Variants in C1orf115 observed in about 807,000 individuals in gnomAD.
The protein encoded by C1orf115 is required for drug-induced death protein 1.
A neutral mutation model predicts 12.5 loss-of-function variants in C1orf115; 14 were observed. That is an observed-to-expected ratio of 1.12 (90% CI 0.74 to 1.75). The LOEUF (loss-of-function observed/expected upper bound fraction) is 1.75, where lower values mean the gene tolerates loss of function less well. C1orf115 is among the 40% of genes most tolerant of loss of function. The pLI is 0.00. For missense variants in C1orf115, 237 were observed against 220.8 expected (o/e 1.07, Z -0.46); for synonymous variants, 109 against 104.6 (o/e 1.04, Z -0.26).
intron 1 of C1orf115, among the ~76,000 whole-genome samples, chr1:220,694,323 C>G (rs1347171795): frequency 2.0e-5 from 3 of 152,174 alleles, no homozygotes; most frequent in Non-Finnish European, 4.4e-5. Context: ...CTTACATGAT[C>G]TCATTTACTC....
intron 1 of C1orf115, among the ~76,000 whole-genome samples, chr1:220,691,442 G>A (rs74644489): frequency 0.04 from 6,055 of 152,220 alleles, 178 homozygotes; most frequent in Middle Eastern, 0.14. Context: ...CCTGGACAAG[G>A]CCACCCAGAA....
chr1:220,690,737 C>CG (rs755224463), intron 1 of C1orf115, 26 bp downstream of exon 1: 14 of 1,555,614 alleles, frequency 9.0e-6, no homozygotes, highest in African/African-American at 1.4e-5. Flanking sequence ...CACCACTGCC[C>CG]GGGGGGCGCG....
In C1orf115 at chr1:220,697,873, A is replaced by T. The variant is rs913380063; in HGVS notation, c.*1142A>T. 6.5e-6 allele frequency: 1 copy of T among 152,902 alleles called. No individual in the cohort carries two copies. Among genetic ancestry groups the T allele is most frequent in the African/African-American group, 2.4e-5 (1 of 41,440 alleles). The allele number at this position is 152,902 out of a possible 1,614,324, so 9.5% of individuals were successfully genotyped here. ...GCTGGGCCTGTGCCTCTAGGTAGGG[A>T]CAAGGGAGGCTGGGTAGCCAGGGCT... On this transcript the variant is annotated 3_prime_UTR_variant, in exon 2 of 2. Coordinates refer to ENST00000294889, the MANE Select transcript of C1orf115 (RefSeq NM_024709.5). The surrounding 1 kb of genome is among the most constrained non-coding windows in gnomAD (Gnocchi z 4.5).
At chr1:220,692,121 A>G (rs1670120153) in intron 1 of C1orf115, among the ~76,000 whole-genome samples, 1 of 152,242 alleles carries the variant, frequency 6.6e-6, no homozygotes, top group Admixed American at 6.5e-5. Context: ...ACTCCAAAAA[A>G]TGTCCAAACA....
chr1:220,691,926 G>T lies in C1orf115; in HGVS notation c.309+1215G>T, dbSNP rs1051001953. Among the ~76,000 whole-genome samples the T allele has an allele frequency of 3.2e-4, 49 of 152,134 alleles. 1 individual carries two copies. The highest frequency in any genetic ancestry group is 3.0e-3 in the Admixed American group (46 of 15,270). ...GACACTGACATAGCTGGCTCCCCCC[G>T]CCCCCGGGGGGGCTTCAGGGCACAG... On this transcript the variant is annotated intron_variant, in intron 1 of 1. Transcript: ENST00000294889.
intron 1 of C1orf115, among the ~76,000 whole-genome samples, chr1:220,693,698 C>T (rs1346285663): frequency 6.6e-6 from 1 of 152,176 alleles, no homozygotes; most frequent in African/African-American, 2.4e-5. Context: ...AACACTCAGC[C>T]TCTTTCTACA....
chr1:220,690,696 G>A lies in C1orf115; in HGVS notation c.294G>A (p.Leu98=). The A allele has an allele frequency of 6.3e-7, 1 of 1,592,810 alleles. No individual in the cohort carries two copies. The highest frequency in any genetic ancestry group is 8.5e-7 in the Non-Finnish European group (1 of 1,170,970). The change falls in exon 1 of 2, where the codon CTG becomes CTA. Residue 98 remains leucine (L), a synonymous_variant. Transcript: ENST00000294889. ...EQPRKRYRRK[L]KKYGKNVGKV... ...CCAGGAAGAGGTACCGGAGGAAGCT[G>A]AAGAAGTACGGCAAGGTAGGGGCCC...
intron 1 of C1orf115, among the ~76,000 whole-genome samples, chr1:220,694,562 CT>C (rs1670160192): frequency 1.3e-5 from 2 of 152,178 alleles, no homozygotes; most frequent in African/African-American, 2.4e-5. Flanking sequence ...AGCTCTGCCC[CT>C]AACCAGATAT....
intron 1 of C1orf115, among the ~76,000 whole-genome samples, chr1:220,693,137 T>C (rs1670138953): frequency 6.6e-6 from 1 of 152,118 alleles, no homozygotes; most frequent in Non-Finnish European, 1.5e-5. Flanking sequence ...AGTAGTTGGG[T>C]AGAAAGCTCT....
intron 1 of C1orf115, among the ~76,000 whole-genome samples, chr1:220,692,639 T>A (rs772355064): frequency 5.3e-5 from 8 of 152,198 alleles, no homozygotes; most frequent in Non-Finnish European, 8.8e-5. Flanking sequence ...TGCCAGGGAC[T>A]GCGGGAAAGA....
At chr1:220,693,905 C>T (rs1670148640) in intron 1 of C1orf115, among the ~76,000 whole-genome samples, 3 of 151,980 alleles carry the variant, frequency 2.0e-5, no homozygotes, top group African/African-American at 7.3e-5. Flanking sequence ...ATGGTGAACC[C>T]TGTCTCTACT....
chr1:220,690,800 C>T, intron 1 of C1orf115, 89 bp downstream of exon 1: 3 of 1,446,918 alleles, frequency 2.1e-6, no homozygotes, highest in Non-Finnish European at 2.8e-6. Context: ...TCGACTCACC[C>T]AGTTTCTCCG....
At position 220,690,429 on chromosome 1, in the gene C1orf115, C is replaced by T. The variant is rs969261267; in HGVS notation, c.27C>T (p.Ser9=). Residue 9 remains serine, a synonymous_variant, in exon 1 of 2, where the codon AGC becomes AGT. Transcript: ENST00000294889. ...TGACGGTGGGAGCCAGGCTCCGAAG[C>T]AAGGCGGAGAGCAGCCTCCTGCGCC... is the stretch of plus-strand genomic sequence containing the variant. MTVGARLR[S]KAESSLLRRG... is the part of the protein sequence containing the mutation. 1 of 1,440,752 alleles carries T rather than the reference C, an allele frequency of 6.9e-7. No homozygotes were observed. Among genetic ancestry groups the T allele is most frequent in the South Asian group, 1.4e-5 (1 of 70,960 alleles). 89.2% of individuals were successfully genotyped at this position (1,440,752 alleles called of 1,614,324 possible). A position where few individuals can be genotyped will look rare whatever the true frequency, so the allele number is the denominator to read the frequency against.
intron 1 of C1orf115, 107 bp downstream of exon 1, chr1:220,690,818 C>T: frequency 1.6e-6 from 2 of 1,286,578 alleles, no homozygotes; most frequent in Non-Finnish European, 2.1e-6. Flanking sequence ...CCGGGCTGCA[C>T]CTGCGACCCC....
chr1:220,691,193 C>A (rs925960796), intron 1 of C1orf115, among the ~76,000 whole-genome samples: 1 of 152,096 alleles, frequency 6.6e-6, no homozygotes, highest in South Asian at 2.1e-4. Flanking sequence ...GGTTATTTCC[C>A]GAGCCTGGGA....
chr1:220,690,630 G>A lies in C1orf115; in HGVS notation c.228G>A (p.Glu76=), dbSNP rs754142767. ...ARRVHFALLP[E]RYEPLEEPAP... ...GGGTGCACTTCGCCCTCCTGCCCGAGCGCTACGAGCCACTGGAGGAGCCGG... is the reference window on the plus strand; with the variant it reads ...GGGTGCACTTCGCCCTCCTGCCCGAACGCTACGAGCCACTGGAGGAGCCGG... Residue 76 remains glutamate, a synonymous_variant, in exon 1 of 2, where the codon GAG becomes GAA. Transcript: ENST00000294889. The A allele has an allele frequency of 1.1e-5, 17 of 1,559,956 alleles. No individual in the cohort carries two copies. In the East Asian group the frequency reaches 4.0e-4, roughly 37 times the overall value.
rs554244291 is a variant in C1orf115, at chr1:220,692,334, T to C, written c.309+1623T>C. Reference sequence around the variant, plus strand: ...GAAAACAGGTACTCAAATCAATGTTTATATACACATTTTAATGGAATTATT... The same window carrying C: ...GAAAACAGGTACTCAAATCAATGTTCATATACACATTTTAATGGAATTATT... On this transcript the variant is annotated intron_variant, in intron 1 of 1. Transcript: ENST00000294889. 5.3e-5 allele frequency among the ~76,000 whole-genome samples: 8 copies of C among 152,300 alleles called. No individual in the cohort carries two copies. In the South Asian group the frequency reaches 1.7e-3, roughly 32 times the overall value.
rs747240063 is a variant in C1orf115 at position 220,698,549 on chromosome 1, A to G, written c.*1818A>G. 5.3e-5 allele frequency: 8 copies of G among 152,232 alleles called. No individual in the cohort carries two copies. Among genetic ancestry groups the G allele is most frequent in the African/African-American group, 1.4e-4 (6 of 41,428 alleles). 9.4% of individuals were successfully genotyped at this position (152,232 alleles called of 1,614,324 possible). A position where few individuals can be genotyped will look rare whatever the true frequency, so the allele number is the denominator to read the frequency against. On this transcript the variant is annotated 3_prime_UTR_variant, in exon 2 of 2. Coordinates refer to ENST00000294889, the MANE Select transcript of C1orf115 (RefSeq NM_024709.5). ...GTGTTGGAGAAAGGGAGAGATAGTC[A>G]TAAGTGGAAGAAAAAGCCAAGCATA...
rs1009651027 is a variant in C1orf115 at position 220,696,992 on chromosome 1, C to A, written c.*261C>A. The A allele has an allele frequency of 9.2e-6, 3 of 327,530 alleles. No homozygotes were observed. Among genetic ancestry groups the A allele is most frequent in the South Asian group, 9.9e-5 (1 of 10,100 alleles). 20.3% of individuals were successfully genotyped at this position (327,530 alleles called of 1,614,324 possible). A position where few individuals can be genotyped will look rare whatever the true frequency, so the allele number is the denominator to read the frequency against. ...AGGTTAGGTTTGGGAGTGGAGCTAGCGTGCTAAAGCCAGAGCCTTCACGTG... is the reference window on the plus strand; with the variant it reads ...AGGTTAGGTTTGGGAGTGGAGCTAGAGTGCTAAAGCCAGAGCCTTCACGTG... On this transcript the variant is annotated 3_prime_UTR_variant, in exon 2 of 2. Coordinates refer to ENST00000294889, the MANE Select transcript of C1orf115 (RefSeq NM_024709.5).
Sources: allele counts gnomAD v4.1 joint callset (sites outside exome capture counted in the v4.1 genomes callset), GRCh38; gene constraint gnomAD v4.1.1; non-coding constraint Gnocchi (gnomAD v3.1); transcripts MANE v1.5; gene names NCBI Gene and HGNC (gene_info 2026-07-23, HGNC 2026-07-21).